Variants in HIKESHI observed in about 807,000 individuals in gnomAD.
The protein encoded by HIKESHI is protein Hikeshi.
Under a neutral mutation model 25.7 loss-of-function variants are expected in HIKESHI, and 13 were observed. That is an observed-to-expected ratio of 0.51 (90% CI 0.33 to 0.80). HIKESHI has a LOEUF of 0.80. HIKESHI is among the 30% of genes least tolerant of loss of function. The pLI is 0.02. For synonymous variants in HIKESHI, 76 were observed against 78.7 expected (o/e 0.97, Z 0.18); for missense variants, 174 against 229.5 (o/e 0.76, Z 1.56).
intron 2 of HIKESHI, among the ~76,000 whole-genome samples, chr11:86,319,242 A>ATATATATATATT (rs1383589741): frequency 2.1e-5 from 2 of 94,948 alleles, no homozygotes; most frequent in African/African-American, 9.3e-5. Flanking sequence ...ATATATATAT[A>ATATATATATATT]TTTTTTTTTT....
At chr11:86,343,181 A>G (rs566259419) in intron 3 of HIKESHI, among the ~76,000 whole-genome samples, 80 of 152,236 alleles carry the variant, frequency 5.3e-4, no homozygotes, top group South Asian at 2.9e-3. Context: ...CAAAAATCTT[A>G]CTAGTTTGTC....
chr11:86,311,253 A>G (rs533768239), intron 2 of HIKESHI, among the ~76,000 whole-genome samples: 1 of 152,248 alleles, frequency 6.6e-6, no homozygotes, highest in South Asian at 2.1e-4. Context: ...TTATTGGTCT[A>G]TTCAGGGATT....
At chr11:86,318,272 C>G (rs942023902) in intron 2 of HIKESHI, among the ~76,000 whole-genome samples, 13 of 89,998 alleles carry the variant, frequency 1.4e-4, no homozygotes, top group Non-Finnish European at 2.1e-4. Context: ...CCATTGCACT[C>G]CATCCTGGGC....
chr11:86,320,975 C>T (rs1947133704), intron 2 of HIKESHI, among the ~76,000 whole-genome samples: 1 of 152,090 alleles, frequency 6.6e-6, no homozygotes, highest in Admixed American at 6.6e-5. Flanking sequence ...CACACTGTTG[C>T]TCAGGCTGGA....
In HIKESHI at chr11:86,302,459, G is replaced by T. The variant is rs1161973644; in HGVS notation, c.11G>T (p.Cys4Phe). 1 of 1,557,698 alleles carries T rather than the reference G, an allele frequency of 6.4e-7. No individual in the cohort carries two copies. The highest frequency in any genetic ancestry group is 8.7e-7 in the Non-Finnish European group (1 of 1,150,528). Residue 4 changes from cysteine to phenylalanine, a missense_variant, in exon 1 of 5, where the codon TGC becomes TTC. Transcript: ENST00000278483. ...GGAGCTGCCGTCGCCATGTTTGGCT[G>T]CTTGGTGGCGGGGAGGCTGGTGAGG... MFG[C>F]LVAGRLVQTA...
At chr11:86,309,241 G>A (rs1295677047) in intron 2 of HIKESHI, among the ~76,000 whole-genome samples, 2 of 151,904 alleles carry the variant, frequency 1.3e-5, no homozygotes, top group African/African-American at 4.8e-5. Context: ...TTGTTTCCTG[G>A]CTTTTTAATG....
intron 2 of HIKESHI, among the ~76,000 whole-genome samples, chr11:86,321,305 C>G (rs575391912): frequency 6.6e-6 from 1 of 152,062 alleles, no homozygotes; most frequent in Non-Finnish European, 1.5e-5. Context: ...GGATATGCCA[C>G]AATTTGTTTA....
chr11:86,321,918 A>C (rs1229440047), intron 2 of HIKESHI, among the ~76,000 whole-genome samples: 1 of 152,126 alleles, frequency 6.6e-6, no homozygotes, highest in African/African-American at 2.4e-5. Context: ...TAAGCATTCT[A>C]ATAGGTGTGT....
intron 2 of HIKESHI, among the ~76,000 whole-genome samples, chr11:86,313,616 C>T (rs1946893929): frequency 6.6e-6 from 1 of 152,090 alleles, no homozygotes; most frequent in Admixed American, 6.6e-5. Context: ...TATATATTTA[C>T]CAAACATTTG....
At chr11:86,331,970 C>G (rs1252878319) in intron 2 of HIKESHI, among the ~76,000 whole-genome samples, 1 of 148,888 alleles carries the variant, frequency 6.7e-6, no homozygotes. Flanking sequence ...TTTGCCATAA[C>G]TGTTTTCTTT....
intron 2 of HIKESHI, among the ~76,000 whole-genome samples, chr11:86,328,434 G>GTTT (rs533776972): frequency 2.3e-5 from 3 of 133,028 alleles, no homozygotes; most frequent in South Asian, 2.4e-4. Flanking sequence ...AATGTTTTTT[G>GTTT]TTTTTTTTTT....
intron 2 of HIKESHI, among the ~76,000 whole-genome samples, chr11:86,326,033 C>T (rs1426277969): frequency 1.3e-5 from 2 of 152,192 alleles, no homozygotes. Flanking sequence ...CACCGTGGCT[C>T]ACGCCTGTAA....
chr11:86,332,627 A>C (rs1947453772), intron 2 of HIKESHI, among the ~76,000 whole-genome samples: 1 of 152,250 alleles, frequency 6.6e-6, no homozygotes. Context: ...AGTACTCATC[A>C]AAACTATACT....
chr11:86,336,231 G>A (rs917170047), intron 2 of HIKESHI, among the ~76,000 whole-genome samples: 19 of 152,164 alleles, frequency 1.2e-4, no homozygotes, highest in African/African-American at 4.3e-4. Context: ...ACACCCTCAA[G>A]TGCACCAACA....
At chr11:86,306,877 G>A (rs1046521979) in intron 2 of HIKESHI, among the ~76,000 whole-genome samples, 56 of 151,500 alleles carry the variant, frequency 3.7e-4, no homozygotes, top group African/African-American at 1.3e-3. Context: ...GTGGGCGCCT[G>A]TAGTCCCAAC....
intron 2 of HIKESHI, among the ~76,000 whole-genome samples, chr11:86,321,886 C>G (rs781317203): frequency 1.7e-4 from 26 of 152,166 alleles, no homozygotes; most frequent in Non-Finnish European, 2.9e-4. Flanking sequence ...ATGTTCTGAT[C>G]AACACTTGGT....
At chr11:86,311,246 T>C (rs374778563) in intron 2 of HIKESHI, among the ~76,000 whole-genome samples, 5 of 152,316 alleles carry the variant, frequency 3.3e-5, no homozygotes, top group East Asian at 3.9e-4. Flanking sequence ...GAGCCTGTTA[T>C]TGGTCTATTC....
intron 2 of HIKESHI, among the ~76,000 whole-genome samples, chr11:86,319,721 A>G (rs1465685583): frequency 6.6e-6 from 1 of 152,126 alleles, no homozygotes; most frequent in Non-Finnish European, 1.5e-5. Context: ...CTTTTATACA[A>G]AGATAATGTA....
chr11:86,335,596 TC>T (rs957971952), intron 2 of HIKESHI, among the ~76,000 whole-genome samples: 2 of 152,202 alleles, frequency 1.3e-5, no homozygotes, highest in African/African-American at 2.4e-5. Flanking sequence ...TAAAGGCATG[TC>T]CCAACACGCA....
Sources: allele counts gnomAD v4.1 joint callset (sites outside exome capture counted in the v4.1 genomes callset), GRCh38; gene constraint gnomAD v4.1.1; transcripts MANE v1.5; gene names NCBI Gene and HGNC (gene_info 2026-07-23, HGNC 2026-07-21).